The following HIBCH variants were observed in gnomAD, a reference collection of about 807,000 sequenced individuals.
HIBCH encodes 3-hydroxyisobutyryl-CoA hydrolase, mitochondrial.
In HIBCH, 50 loss-of-function variants were observed where a neutral mutation model predicts 58.2. The observed-to-expected ratio is 0.86, with a 90% CI of 0.68 to 1.09. The LOEUF (loss-of-function observed/expected upper bound fraction) is 1.09. HIBCH is among the 50% of genes least tolerant of loss of function. HIBCH has a pLI of 0.00. For synonymous variants in HIBCH, 151 were observed against 146.9 expected (o/e 1.03, Z -0.20); for missense variants, 450 against 449.7 (o/e 1.00, Z -0.01).
Position 190,206,202 on chromosome 2 carries a change from A to G in HIBCH, c.1046-970T>C, listed in dbSNP as rs1690386801. On this transcript the variant is annotated intron_variant, in intron 13 of 13. Coordinates refer to ENST00000359678, the MANE Select transcript of HIBCH (RefSeq NM_014362.4). This position sits in a 1 kb window ranked among gnomAD's most constrained non-coding sequence, Gnocchi z 5.1. ...GGTAGGTGGAGGGAAGCTTTTACAT[A>G]CAATTAAATGCAGATACGGGAGGTT... is the stretch of plus-strand genomic sequence containing the variant. Among the ~76,000 whole-genome samples the G allele has an allele frequency of 6.6e-6, 1 of 152,214 alleles. No homozygotes were observed. The highest frequency in any genetic ancestry group is 6.5e-5 in the Admixed American group (1 of 15,278).
chr2:190,221,072 G>A (rs1019557077), intron 11 of HIBCH, among the ~76,000 whole-genome samples: 18 of 147,054 alleles, frequency 1.2e-4, no homozygotes, highest in Admixed American at 1.2e-3. Context: ...CACAGGACCC[G>A]TTTATCTGTG....
intron 9 of HIBCH, among the ~76,000 whole-genome samples, chr2:190,249,323 T>C (rs1288088771): frequency 2.0e-5 from 3 of 152,172 alleles, no homozygotes; most frequent in Admixed American, 2.0e-4. Context: ...AGAGTTTGCA[T>C]CTCCACAAAT....
chr2:190,319,816 G>T lies in HIBCH; in HGVS notation c.-66C>A. 6.4e-7 allele frequency: 1 copy of T among 1,574,596 alleles called. No homozygotes were observed. The highest frequency in any genetic ancestry group is 1.3e-5 in the African/African-American group (1 of 74,292). Reference sequence around the variant, plus strand: ...CCCGGACCGTTCCAGCGCCTCGCGTGAGCCCCGCCCACCGCCGTCCTGCGC... The same window carrying T: ...CCCGGACCGTTCCAGCGCCTCGCGTTAGCCCCGCCCACCGCCGTCCTGCGC... On this transcript the variant is annotated 5_prime_UTR_variant, in exon 1 of 14. Transcript: ENST00000359678.
At chr2:190,261,729 G>A (rs947596619) in intron 6 of HIBCH, among the ~76,000 whole-genome samples, 39 of 152,060 alleles carry the variant, frequency 2.6e-4, no homozygotes, top group African/African-American at 9.2e-4. Flanking sequence ...TCCCGCACTC[G>A]TTCCACTAGC....
chr2:190,318,116 G>A (rs1157768850), intron 1 of HIBCH, among the ~76,000 whole-genome samples: 1 of 151,990 alleles, frequency 6.6e-6, no homozygotes, highest in Non-Finnish European at 1.5e-5. Context: ...GTGAGCCCCC[G>A]CGCCTAGCCC....
intron 6 of HIBCH, among the ~76,000 whole-genome samples, chr2:190,272,289 A>C (rs1687420412): frequency 6.6e-6 from 1 of 152,190 alleles, no homozygotes; most frequent in South Asian, 2.1e-4. Flanking sequence ...CTAGACATCC[A>C]ATAAGTTTTG....
intron 1 of HIBCH, among the ~76,000 whole-genome samples, chr2:190,192,971 C>T (rs1435285032): frequency 2.0e-5 from 3 of 152,140 alleles, no homozygotes; most frequent in Admixed American, 2.0e-4. Context: ...GCAGTTTTCT[C>T]CTTCTCTCAA....
chr2:190,297,096 TGA>T, intron 2 of HIBCH, 143 bp from the exon 3 acceptor site: 1 of 757,940 alleles, frequency 1.3e-6, no homozygotes, highest in Non-Finnish European at 2.2e-6. Flanking sequence ...TATAAGTTTC[TGA>T]AGTTATTTAG....
At chr2:190,213,292 A>T (rs1031327534) in intron 11 of HIBCH, 22 of 527,534 alleles carry the variant, frequency 4.2e-5, no homozygotes, top group Non-Finnish European at 7.1e-5. Flanking sequence ...TGTAGCTGTG[A>T]CTAATAAAAT....
chr2:190,199,513 T>A (rs544018166), downstream of HIBCH, among the ~76,000 whole-genome samples: 7 of 152,344 alleles, frequency 4.6e-5, no homozygotes, highest in South Asian at 1.0e-3. Flanking sequence ...AGTTTTCCTA[T>A]TTTGCAAGTT....
At chr2:190,272,687 A>C (rs1014527152) in intron 6 of HIBCH, among the ~76,000 whole-genome samples, 2 of 152,026 alleles carry the variant, frequency 1.3e-5, no homozygotes, top group Admixed American at 6.6e-5. Context: ...AGAATCTGTA[A>C]GTTTGTCAAA....
At chr2:190,258,771 A>G (rs1202420723) in intron 7 of HIBCH, among the ~76,000 whole-genome samples, 1 of 152,184 alleles carries the variant, frequency 6.6e-6, no homozygotes, top group African/African-American at 2.4e-5. Context: ...CTACATCTTT[A>G]ATCCATTTGA....
At chr2:190,195,005 C>T (rs1689902655) in intron 1 of HIBCH, among the ~76,000 whole-genome samples, 1 of 152,064 alleles carries the variant, frequency 6.6e-6, no homozygotes, top group Non-Finnish European at 1.5e-5. Flanking sequence ...TAGGTGTGCA[C>T]CACCATGCCT....
chr2:190,213,036 G>C lies in HIBCH; in HGVS notation c.931C>G (p.Leu311Val). 1 of 1,609,736 alleles carries C rather than the reference G, an allele frequency of 6.2e-7. No individual in the cohort carries two copies. Among genetic ancestry groups the C allele is most frequent in the Non-Finnish European group, 8.5e-7 (1 of 1,176,250 alleles). Residue 311 changes from leucine (L) to valine (V), a missense_variant, in exon 12 of 14, where the codon CTA becomes GTA. Coordinates refer to ENST00000359678, the MANE Select transcript of HIBCH (RefSeq NM_014362.4). ...KMSPTSLKIT[L>V]RQLMEGSSKT... Reference sequence around the variant, plus strand: ...GAAGACCCCTCCATGAGTTGCCTTAGTGTGATCTTTAGAGATGTTGGAGAC... The same window carrying C: ...GAAGACCCCTCCATGAGTTGCCTTACTGTGATCTTTAGAGATGTTGGAGAC...
At position 190,207,054 on chromosome 2, in the gene HIBCH, G is replaced by A. The variant is rs185030325; in HGVS notation, c.1046-1822C>T. On this transcript the variant is annotated intron_variant, in intron 13 of 13. Coordinates refer to ENST00000359678, the MANE Select transcript of HIBCH (RefSeq NM_014362.4). This position sits in a 1 kb window ranked among gnomAD's most constrained non-coding sequence, Gnocchi z 4.5. ...GGAGAATGGTGTGAACCCGGGAGGC[G>A]GAGTTTGCAGTGAGCCGAGATTTTG... Among the ~76,000 whole-genome samples, 126 of 152,158 alleles carry A rather than the reference G, an allele frequency of 8.3e-4. No homozygotes were observed. The highest frequency in any genetic ancestry group is 3.9e-3 in the East Asian group (20 of 5,180).
chr2:190,274,805 G>C (rs939953364), intron 6 of HIBCH, among the ~76,000 whole-genome samples: 23 of 152,172 alleles, frequency 1.5e-4, no homozygotes, highest in Non-Finnish European at 2.8e-4. Context: ...AGAAACGATT[G>C]TTTTGCAGAT....
At chr2:190,287,237 T>C (rs988227921) in intron 6 of HIBCH, among the ~76,000 whole-genome samples, 2 of 152,116 alleles carry the variant, frequency 1.3e-5, no homozygotes, top group African/African-American at 4.8e-5. Context: ...AATTTTTGTA[T>C]TTTTAATAGA....
chr2:190,242,961 T>C (rs1171303280), intron 11 of HIBCH, among the ~76,000 whole-genome samples: 2 of 152,212 alleles, frequency 1.3e-5, no homozygotes, highest in Non-Finnish European at 2.9e-5. Flanking sequence ...GGCATAATTA[T>C]GACCTTATTA....
At chr2:190,263,507 C>A (rs1026336521) in intron 6 of HIBCH, among the ~76,000 whole-genome samples, 1 of 152,178 alleles carries the variant, frequency 6.6e-6, no homozygotes, top group Non-Finnish European at 1.5e-5. Flanking sequence ...CTTCACTCTA[C>A]CCCACTGTAC....
Sources: allele counts gnomAD v4.1 joint callset (sites outside exome capture counted in the v4.1 genomes callset), GRCh38; gene constraint gnomAD v4.1.1; non-coding constraint Gnocchi (gnomAD v3.1); transcripts MANE v1.5; gene names NCBI Gene and HGNC (gene_info 2026-07-23, HGNC 2026-07-21).